CSGALNACT1: variants seen among roughly 807,000 people sequenced by gnomAD.
CSGALNACT1 encodes the protein beta4GalNAcT-1.
CSGALNACT1 carries 52 observed loss-of-function variants against 51.0 expected under a neutral mutation model. The ratio of observed to expected loss-of-function variants is 1.02; its 90% CI spans 0.82 to 1.29. The LOEUF (loss-of-function observed/expected upper bound fraction) is 1.29. Among genes scored for constraint, CSGALNACT1 ranks in the 50% most tolerant of loss-of-function variants. The pLI, the probability that CSGALNACT1 is intolerant of heterozygous loss-of-function variation, is 0.00. For synonymous variants in CSGALNACT1, 341 were observed against 254.4 expected, an observed-to-expected ratio of 1.34 and a Z score of -3.24; for missense variants, 935 against 679.2, an observed-to-expected ratio of 1.38 and a Z score of -4.19.
At chr8:19,508,409 TA>T (rs2077784061) in intron 3 of CSGALNACT1, among the ~76,000 whole-genome samples, 1 of 152,256 alleles carries the variant, frequency 6.6e-6, no homozygotes, top group Admixed American at 6.5e-5. Flanking sequence ...CTCTCTACTG[TA>T]ATTTAGAACA....
intron 3 of CSGALNACT1, among the ~76,000 whole-genome samples, chr8:19,527,666 T>C (rs139274217): frequency 2.0e-4 from 31 of 152,260 alleles, no homozygotes; most frequent in Middle Eastern, 3.4e-3. Context: ...GGCATAGGCT[T>C]GGAAGCGACA....
intron 3 of CSGALNACT1, among the ~76,000 whole-genome samples, chr8:19,533,639 A>T (rs1029842092): frequency 6.6e-6 from 1 of 152,038 alleles, no homozygotes. Flanking sequence ...ACATCCTCCT[A>T]ATAGGCTGTA....
At chr8:19,618,953 A>C (rs780758532) in intron 1 of CSGALNACT1, among the ~76,000 whole-genome samples, 33 of 152,140 alleles carry the variant, frequency 2.2e-4, no homozygotes, top group Non-Finnish European at 3.7e-4. Flanking sequence ...TAAAACAGGC[A>C]AATCTCTCAT....
At chr8:19,495,515 C>T (rs1474019152) in intron 4 of CSGALNACT1, among the ~76,000 whole-genome samples, 1 of 152,088 alleles carries the variant, frequency 6.6e-6, no homozygotes, top group Non-Finnish European at 1.5e-5. Flanking sequence ...CAGAATGACA[C>T]CTCGCAGGGA....
At chr8:19,507,011 G>C (rs540483210) in intron 3 of CSGALNACT1, among the ~76,000 whole-genome samples, 14 of 152,320 alleles carry the variant, frequency 9.2e-5, no homozygotes, top group African/African-American at 3.4e-4. Context: ...ACTTAGAGCA[G>C]GCCTGAAAGA....
intron 1 of CSGALNACT1, among the ~76,000 whole-genome samples, chr8:19,610,956 G>A (rs1251643820): frequency 6.6e-6 from 1 of 152,180 alleles, no homozygotes; most frequent in Non-Finnish European, 1.5e-5. Flanking sequence ...CCCGAGACGT[G>A]GGGCGGGAGC....
intron 1 of CSGALNACT1, among the ~76,000 whole-genome samples, chr8:19,608,266 C>A (rs1017927572): frequency 6.6e-6 from 1 of 152,208 alleles, no homozygotes; most frequent in Non-Finnish European, 1.5e-5. Context: ...GGCAGCCCAA[C>A]ATAACAAATT....
intron 3 of CSGALNACT1, among the ~76,000 whole-genome samples, chr8:19,537,792 T>G (rs2154065891): frequency 6.6e-6 from 1 of 152,272 alleles, no homozygotes; most frequent in South Asian, 2.1e-4. Context: ...CTTTTAAAAC[T>G]TTTAGGAAAA....
At chr8:19,637,679 G>A (rs752693822) in intron 1 of CSGALNACT1, among the ~76,000 whole-genome samples, 5 of 152,140 alleles carry the variant, frequency 3.3e-5, no homozygotes, top group Non-Finnish European at 5.9e-5. Flanking sequence ...TTATAAAACT[G>A]AGCCTAAGTT....
chr8:19,685,783 G>C (rs1041875465), upstream of CSGALNACT1, among the ~76,000 whole-genome samples: 3 of 152,156 alleles, frequency 2.0e-5, no homozygotes, highest in African/African-American at 7.2e-5. Flanking sequence ...AGCGCATTTT[G>C]CCACCAGGCT....
chr8:19,577,840 C>T (rs1030180779), intron 3 of CSGALNACT1, among the ~76,000 whole-genome samples: 1 of 152,168 alleles, frequency 6.6e-6, no homozygotes, highest in Non-Finnish European at 1.5e-5. Context: ...GGCTGAGATG[C>T]CTCCCAGGTC....
At chr8:19,592,990 T>C (rs537037175) in intron 2 of CSGALNACT1, among the ~76,000 whole-genome samples, 2 of 152,328 alleles carry the variant, frequency 1.3e-5, no homozygotes, top group South Asian at 2.1e-4. Context: ...TGACTTACAA[T>C]AGGCTTATCC....
intron 3 of CSGALNACT1, among the ~76,000 whole-genome samples, chr8:19,539,874 G>T (rs979034344): frequency 6.6e-6 from 1 of 152,160 alleles, no homozygotes. Context: ...GGAGGGAGGG[G>T]GACAGGAGGG....
intron 3 of CSGALNACT1, among the ~76,000 whole-genome samples, chr8:19,589,247 G>C (rs1449925716): frequency 1.3e-5 from 2 of 152,178 alleles, no homozygotes; most frequent in African/African-American, 4.8e-5. Context: ...CGTCAGACTA[G>C]GTAAAGCAGG....
At chr8:19,669,540 C>G (rs928369693) in intron 1 of CSGALNACT1, among the ~76,000 whole-genome samples, 3 of 152,234 alleles carry the variant, frequency 2.0e-5, no homozygotes, top group African/African-American at 7.2e-5. Flanking sequence ...CAACTTCTCC[C>G]TCCCAGGTTC....
intron 3 of CSGALNACT1, among the ~76,000 whole-genome samples, chr8:19,583,574 C>T (rs1181289253): frequency 6.6e-6 from 1 of 152,192 alleles, no homozygotes; most frequent in African/African-American, 2.4e-5. Context: ...GCTACCAAAT[C>T]TCAGTATTTT....
At chr8:19,629,103 G>A (rs984032776) in intron 1 of CSGALNACT1, among the ~76,000 whole-genome samples, 67 of 152,210 alleles carry the variant, frequency 4.4e-4, no homozygotes, top group African/African-American at 1.6e-3. Context: ...TTCAATCTAC[G>A]GGAAATCAAG....
At chr8:19,695,169 C>A (rs1276703161) in intron 1 of CSGALNACT1, among the ~76,000 whole-genome samples, 1 of 152,168 alleles carries the variant, frequency 6.6e-6, no homozygotes, top group Admixed American at 6.5e-5. Context: ...AATATATTTT[C>A]ACAGTGCATT....
At chr8:19,512,240 C>A (rs888131790) in intron 3 of CSGALNACT1, among the ~76,000 whole-genome samples, 1 of 152,194 alleles carries the variant, frequency 6.6e-6, no homozygotes, top group Non-Finnish European at 1.5e-5. Context: ...CTCCAGCTGA[C>A]CGACAGCTAG....
Sources: gnomAD v4.1 joint callset for allele counts (sites outside exome capture counted in the v4.1 genomes callset) on GRCh38, gnomAD v4.1.1 for gene constraint, MANE v1.5 for transcripts, NCBI Gene and HGNC (gene_info 2026-07-23, HGNC 2026-07-21) for gene names.